The following ASIC2 variants were observed in gnomAD, a reference collection of about 807,000 sequenced individuals.
ASIC2 encodes acid-sensing ion channel 2.
In ASIC2, 25 loss-of-function variants were observed where a neutral mutation model predicts 57.3. The observed-to-expected ratio is 0.44, with a 90% confidence interval of 0.32 to 0.61. The LOEUF is 0.61. ASIC2 is among the 20% of genes least tolerant of loss of function. The pLI is 0.06. For synonymous variants in ASIC2, 319 were observed against 307.5 expected, an observed-to-expected ratio of 1.04 and a Z score of -0.39; for missense variants, 641 against 738.1, an observed-to-expected ratio of 0.87 and a Z score of 1.52.
At position 33,646,136 on chromosome 17, in the gene ASIC2, A is replaced by G. The variant is rs577005207; in HGVS notation, c.555+509842T>C. Among the ~76,000 whole-genome samples, 27 of 152,252 alleles carry G rather than the reference A, an allele frequency of 1.8e-4. No homozygotes were observed. In the South Asian group the frequency reaches 5.0e-3, roughly 28 times the overall value. On this transcript the variant is annotated intron_variant, in intron 1 of 9. Coordinates refer to the ASIC2 transcript ENST00000359872. Reference sequence around the variant, plus strand: ...AGCTCACCGGGGGTTTGGACCCCAAATTTTAAAGAAACACTGTCACCCAAC... The same window carrying G: ...AGCTCACCGGGGGTTTGGACCCCAAGTTTTAAAGAAACACTGTCACCCAAC...
chr17:33,098,363 A>T (rs1311831257), intron 2 of ASIC2, among the ~76,000 whole-genome samples: 1 of 138,620 alleles, frequency 7.2e-6, no homozygotes, highest in African/African-American at 2.4e-5. Flanking sequence ...CTTCCCTGAC[A>T]GATAGGCACT....
intron 1 of ASIC2, among the ~76,000 whole-genome samples, chr17:33,389,169 T>C (rs1003295660): frequency 3.9e-5 from 6 of 152,026 alleles, no homozygotes; most frequent in Non-Finnish European, 7.4e-5. Flanking sequence ...TGTGTTGCCC[T>C]GGCTGGTCTC....
intron 1 of ASIC2, chr17:34,155,956 G>T (rs1284991876): frequency 6.3e-7 from 1 of 1,581,694 alleles, no homozygotes. Flanking sequence ...CAGACAGAGT[G>T]AGCTGAAAAC....
intron 1 of ASIC2, among the ~76,000 whole-genome samples, chr17:33,740,716 C>T (rs1910084083): frequency 6.6e-6 from 1 of 152,168 alleles, no homozygotes; most frequent in South Asian, 2.1e-4. Flanking sequence ...TGAGATACTA[C>T]ACACAGTGCA....
chr17:33,759,205 G>A (rs1344661928), intron 1 of ASIC2, among the ~76,000 whole-genome samples: 1 of 152,192 alleles, frequency 6.6e-6, no homozygotes, highest in Non-Finnish European at 1.5e-5. Context: ...TGGAGTAAAG[G>A]CCATCCTTGT....
intron 1 of ASIC2, among the ~76,000 whole-genome samples, chr17:34,081,630 G>A (rs1354322160): frequency 6.6e-6 from 1 of 152,182 alleles, no homozygotes; most frequent in African/African-American, 2.4e-5. Context: ...TTTCACTCAA[G>A]TTCGTACTCT....
At chr17:33,991,961 A>G (rs1350954371) in intron 1 of ASIC2, among the ~76,000 whole-genome samples, 3 of 152,178 alleles carry the variant, frequency 2.0e-5, no homozygotes, top group African/African-American at 7.2e-5. Context: ...AAGGTTGTCC[A>G]GGAGGTGTTT....
At chr17:33,490,344 T>A (rs1186479097) in intron 1 of ASIC2, among the ~76,000 whole-genome samples, 2 of 152,260 alleles carry the variant, frequency 1.3e-5, no homozygotes, top group Admixed American at 6.5e-5. Flanking sequence ...TTAGGTGGCC[T>A]GTGATTTTTA....
chr17:33,341,950 C>T (rs901288265), intron 1 of ASIC2, among the ~76,000 whole-genome samples: 2 of 152,178 alleles, frequency 1.3e-5, no homozygotes, highest in African/African-American at 4.8e-5. Context: ...GAATGCTCCC[C>T]ACCCACTCCT....
At chr17:33,144,731 G>A (rs895869117) in intron 1 of ASIC2, among the ~76,000 whole-genome samples, 1 of 152,158 alleles carries the variant, frequency 6.6e-6, no homozygotes, top group Non-Finnish European at 1.5e-5. Context: ...AAGGTGTGGT[G>A]TGCACTGAGC....
rs11305436 is a variant in ASIC2, at chr17:34,105,480, C to CTT, written c.555+50496_555+50497dup. Reference sequence around the variant, plus strand: ...ATCTTTATTATTTCCTTTCATCTACCTTTTTTTTTTTTTTTGCTTGTTTTT... The same window carrying CTT: ...ATCTTTATTATTTCCTTTCATCTACCTTTTTTTTTTTTTTTTTGCTTGTTTTT... On this transcript the variant is annotated intron_variant, in intron 1 of 9. Transcript: ENST00000359872. Among the ~76,000 whole-genome samples the CTT allele has an allele frequency of 3.3e-5, 4 of 122,882 alleles. No homozygotes were observed. The South Asian group carries it at 7.8e-4, about 24-fold the overall frequency. 80.6% of individuals were successfully genotyped at this position (122,882 alleles called of 152,430 possible). A position where few individuals can be genotyped will look rare whatever the true frequency, so the allele number is the denominator to read the frequency against.
rs558747035 is a variant in ASIC2 at position 33,232,478 on chromosome 17, T to C, written c.708+58930A>G. Among the ~76,000 whole-genome samples the C allele has an allele frequency of 1.5e-4, 22 of 149,708 alleles. No homozygotes were observed. The East Asian group carries it at 3.2e-3, about 22-fold the overall frequency. ...TGGTATGGTATGGTATGGTATGGTA[T>C]GGTATGGTATGGTATGGTACGGTAT... On this transcript the variant is annotated intron_variant, in intron 1 of 9. Coordinates refer to ENST00000225823, the MANE Select transcript of ASIC2 (RefSeq NM_183377.2).
At chr17:34,018,780 G>A (rs574779843) in intron 1 of ASIC2, among the ~76,000 whole-genome samples, 6 of 152,280 alleles carry the variant, frequency 3.9e-5, no homozygotes, top group Non-Finnish European at 8.8e-5. Context: ...ATCTTTCTAA[G>A]GTTTAAGAAG....
intron 1 of ASIC2, among the ~76,000 whole-genome samples, chr17:33,738,725 C>T (rs1186310625): frequency 6.6e-6 from 1 of 152,200 alleles, no homozygotes; most frequent in Non-Finnish European, 1.5e-5. Context: ...GCAGATCCAA[C>T]TAAAACAATG....
intron 1 of ASIC2, among the ~76,000 whole-genome samples, chr17:34,153,946 T>C (rs1229298278): frequency 1.3e-5 from 2 of 152,058 alleles, no homozygotes; most frequent in Non-Finnish European, 2.9e-5. Context: ...CCTCAGCAAG[T>C]AAAAAGATGG....
chr17:33,553,160 A>C (rs941999072), intron 1 of ASIC2, among the ~76,000 whole-genome samples: 13 of 152,282 alleles, frequency 8.5e-5, no homozygotes, highest in Non-Finnish European at 1.5e-4. Context: ...AAATCAATGC[A>C]GTGGAGGCAC....
chr17:34,059,780 G>A (rs1441253234), intron 1 of ASIC2, among the ~76,000 whole-genome samples: 1 of 151,938 alleles, frequency 6.6e-6, no homozygotes, highest in Non-Finnish European at 1.5e-5. Flanking sequence ...ATCCTCCCCG[G>A]TACACAACTC....
chr17:33,578,530 C>G (rs763317638), intron 1 of ASIC2, among the ~76,000 whole-genome samples: 1 of 152,146 alleles, frequency 6.6e-6, no homozygotes, highest in Non-Finnish European at 1.5e-5. Flanking sequence ...GGGACATAGA[C>G]AAAATGGCTA....
intron 1 of ASIC2, among the ~76,000 whole-genome samples, chr17:33,748,301 G>T (rs1017917308): frequency 9.2e-5 from 14 of 152,194 alleles, no homozygotes; most frequent in African/African-American, 3.4e-4. Context: ...CAGGTCTGGA[G>T]ATGTGGAATC....
Sources: allele counts gnomAD v4.1 joint callset (sites outside exome capture counted in the v4.1 genomes callset), GRCh38; gene constraint gnomAD v4.1.1; transcripts MANE v1.5; gene names NCBI Gene and HGNC (gene_info 2026-07-23, HGNC 2026-07-21).